The following ZNF81 variants were observed in gnomAD, a reference collection of about 807,000 sequenced individuals.
The protein encoded by ZNF81 is zinc finger protein 81 (HFZ20).
In ZNF81, 5 loss-of-function variants were observed where a neutral mutation model predicts 32.3. The ratio of observed to expected loss-of-function variants is 0.15; its 90% CI spans 0.08 to 0.33. ZNF81 has a LOEUF of 0.33. ZNF81 is among the 10% of genes least tolerant of loss of function. ZNF81 has a pLI of 1.00. For missense variants in ZNF81, 379 were observed against 479.8 expected, an observed-to-expected ratio of 0.79 and a Z score of 1.96; for synonymous variants, 163 against 166.8, an observed-to-expected ratio of 0.98 and a Z score of 0.17.
At chrX:47,905,443 A>AAGG (rs2148039467) in intron 4 of ZNF81, among the ~76,000 whole-genome samples, 1 of 103,763 alleles carries the variant, frequency 9.6e-6, no homozygotes, top group South Asian at 4.5e-4. Flanking sequence ...AGAACTTGTG[A>AAGG]GATGAAACTG....
intron 4 of ZNF81, among the ~76,000 whole-genome samples, chrX:47,908,623 G>T (rs1227811699): frequency 1.8e-5 from 2 of 112,045 alleles, no homozygotes; most frequent in Non-Finnish European, 3.8e-5. Context: ...CTCAAAATTT[G>T]AAACCACTCA....
At chrX:47,898,481 T>G (rs1432608903) in intron 4 of ZNF81, among the ~76,000 whole-genome samples, 3 of 112,101 alleles carry the variant, frequency 2.7e-5, no homozygotes, top group African/African-American at 9.7e-5. Flanking sequence ...TTACTGTAGT[T>G]TTTACAGTAA....
At chrX:47,850,823 A>G (rs2058491169) in intron 2 of ZNF81, among the ~76,000 whole-genome samples, 1 of 109,574 alleles carries the variant, frequency 9.1e-6, no homozygotes, top group South Asian at 4.0e-4. Flanking sequence ...TGGCCTATAT[A>G]TTCTTTCCCA....
chrX:47,922,797 G>A lies in ZNF81; in HGVS notation c.*6165G>A, dbSNP rs782750828. Among the ~76,000 whole-genome samples the A allele has an allele frequency of 3.0e-4, 34 of 111,731 alleles. No homozygotes were observed. The highest frequency in any genetic ancestry group is 1.0e-3 in the African/African-American group (31 of 30,764). ...TCTTGAGGCTGGAGATCCGAATCAC[G>A]GTGTCAGCAGGGTCATGCTCCCTCT... is the stretch of plus-strand genomic sequence containing the variant. On this transcript the variant is annotated 3_prime_UTR_variant, in exon 5 of 5. Coordinates refer to ENST00000338637, the MANE Select transcript of ZNF81 (RefSeq NM_007137.5).
chrX:47,879,485 G>A (rs1366424461), intron 2 of ZNF81, among the ~76,000 whole-genome samples: 2 of 112,064 alleles, frequency 1.8e-5, no homozygotes, highest in African/African-American at 6.5e-5. Flanking sequence ...AGTGTTAGCA[G>A]TTGTGCTGCT....
chrX:47,923,859 T>C lies in ZNF81; in HGVS notation c.*7227T>C, dbSNP rs782124355. ...AGACAGTGAAGGACAGATGCAGAGG[T>C]ACCCAGCAGGTTCCAGTTTTTCCTA... is the stretch of plus-strand genomic sequence containing the variant. On this transcript the variant is annotated 3_prime_UTR_variant, in exon 5 of 5. Transcript: ENST00000338637. Among the ~76,000 whole-genome samples, 1 of 111,534 alleles carries C rather than the reference T, an allele frequency of 9.0e-6. No homozygotes were observed. The highest frequency in any genetic ancestry group is 1.9e-5 in the Non-Finnish European group (1 of 53,085).
chrX:47,902,913 A>G (rs1196726848), intron 4 of ZNF81, among the ~76,000 whole-genome samples: 1 of 111,857 alleles, frequency 8.9e-6, no homozygotes, highest in African/African-American at 3.3e-5. Context: ...ATTAACGCAA[A>G]TCAATAAATT....
intron 2 of ZNF81, among the ~76,000 whole-genome samples, chrX:47,877,541 G>A (rs927275073): frequency 1.5e-4 from 17 of 111,606 alleles, no homozygotes; most frequent in Middle Eastern, 4.6e-3. Context: ...TTTTTAGTAT[G>A]CCCAGAACTC....
intron 1 of ZNF81, among the ~76,000 whole-genome samples, chrX:47,843,650 A>G (rs969258625): frequency 9.0e-6 from 1 of 111,491 alleles, no homozygotes; most frequent in Non-Finnish European, 1.9e-5. Flanking sequence ...AGTCTTCCTG[A>G]ATAGCTGGAA....
chrX:47,851,507 T>C (rs1351437412), intron 2 of ZNF81, among the ~76,000 whole-genome samples: 4 of 112,146 alleles, frequency 3.6e-5, no homozygotes, highest in Non-Finnish European at 7.5e-5. Context: ...AGGTTGAATA[T>C]ATGTGACTGT....
At chrX:47,874,916 G>A (rs1556884352) in intron 2 of ZNF81, among the ~76,000 whole-genome samples, 1 of 111,579 alleles carries the variant, frequency 9.0e-6, no homozygotes, top group East Asian at 2.8e-4. Flanking sequence ...GTGCAATCTA[G>A]GCTAAGCATG....
chrX:47,856,621 A>T (rs1293649224), intron 2 of ZNF81, among the ~76,000 whole-genome samples: 1 of 112,149 alleles, frequency 8.9e-6, no homozygotes, highest in Non-Finnish European at 1.9e-5. Context: ...AAGGTCCAGC[A>T]TTATTTTATA....
intron 2 of ZNF81, among the ~76,000 whole-genome samples, chrX:47,877,672 C>T (rs1262986119): frequency 8.9e-6 from 1 of 112,043 alleles, no homozygotes; most frequent in Non-Finnish European, 1.9e-5. Context: ...TCAGGCTTTA[C>T]TAGCACAGTA....
chrX:47,891,405 C>G (rs1299820403), intron 3 of ZNF81, among the ~76,000 whole-genome samples: 1 of 112,340 alleles, frequency 8.9e-6, no homozygotes, highest in Non-Finnish European at 1.9e-5. Context: ...GAATCACCAT[C>G]CCTGCATCCC....
At chrX:47,877,058 A>G (rs782597391) in intron 2 of ZNF81, among the ~76,000 whole-genome samples, 29 of 112,381 alleles carry the variant, frequency 2.6e-4, no homozygotes, top group Admixed American at 1.9e-3. Flanking sequence ...CATGTAAAAC[A>G]TCATGCCAGT....
chrX:47,850,885 AC>A (rs2058492002), intron 2 of ZNF81, among the ~76,000 whole-genome samples: 2 of 76,118 alleles, frequency 2.6e-5, no homozygotes, highest in African/African-American at 9.7e-5. Flanking sequence ...ATTCACAGGC[AC>A]GCGCGCACAC....
At position 47,916,838 on chromosome X, in the gene ZNF81, C is replaced by T; in HGVS notation, c.*206C>T. On this transcript the variant is annotated 3_prime_UTR_variant, in exon 5 of 5. Coordinates refer to ENST00000338637, the MANE Select transcript of ZNF81 (RefSeq NM_007137.5). ...TTGAAGGAGAGAGAATTTGCACAGC[C>T]TCATGAAATATAGTAAAAGTCATAC... 2.7e-6 allele frequency: 1 copy of T among 365,993 alleles called. No individual in the cohort carries two copies. Among genetic ancestry groups the T allele is most frequent in the Non-Finnish European group, 4.5e-6 (1 of 222,930 alleles). The allele number at this position is 365,993 out of a possible 1,213,427, so 30.2% of individuals were successfully genotyped here.
chrX:47,916,600 G>A lies in ZNF81; in HGVS notation c.1954G>A (p.Val652Ile). ...TGGAAAGGGGTTCACCCAGAAATCA[G>A]TTCTCAGTATGCATCGCAATATTCA... ...DCGKGFTQKS[V>I]LSMHRNIHT is the part of the protein sequence containing the mutation. The change falls in exon 5 of 5, where the codon GTT becomes ATT. Residue 652 changes from valine (V) to isoleucine (I), a missense_variant. Val to Ile is a conservative substitution (Grantham distance 29, BLOSUM62 3). Around this residue, in one of 2 missense-constraint regions of ZNF81, gnomAD observed 102 missense variants for 173.2 expected, o/e 0.59. Transcript: ENST00000338637. 8.3e-7 allele frequency: 1 copy of A among 1,204,010 alleles called. No individual in the cohort carries two copies. Among genetic ancestry groups the A allele is most frequent in the Non-Finnish European group, 1.1e-6 (1 of 892,573 alleles).
At position 47,923,167 on chromosome X, in the gene ZNF81, G is replaced by C. The variant is rs1364125067; in HGVS notation, c.*6535G>C. ...TTAACAAGAAGTTAATGCATATTGTGTAGAGCTCTTAGAACTATGCATGGA... is the reference window on the plus strand; with the variant it reads ...TTAACAAGAAGTTAATGCATATTGTCTAGAGCTCTTAGAACTATGCATGGA... On this transcript the variant is annotated 3_prime_UTR_variant, in exon 5 of 5. Coordinates refer to ENST00000338637, the MANE Select transcript of ZNF81 (RefSeq NM_007137.5). 9.0e-6 allele frequency among the ~76,000 whole-genome samples: 1 copy of C among 111,433 alleles called. No individual in the cohort carries two copies. Among genetic ancestry groups the C allele is most frequent in the Admixed American group, 9.6e-5 (1 of 10,462 alleles).
Sources: gnomAD v4.1 joint callset for allele counts (sites outside exome capture counted in the v4.1 genomes callset) on GRCh38, gnomAD v4.1.1 for gene constraint, gnomAD v4.1.1 regional missense constraint, MANE v1.5 for transcripts, NCBI Gene and HGNC (gene_info 2026-07-23, HGNC 2026-07-21) for gene names.